The following ST6GALNAC5 variants were observed in gnomAD, a reference collection of about 807,000 sequenced individuals.
ST6GALNAC5 encodes alpha-N-acetylgalactosaminide alpha-2,6-sialyltransferase 5.
Under a neutral mutation model 33.6 loss-of-function variants are expected in ST6GALNAC5, and 27 were observed. That is an observed-to-expected ratio of 0.80 (90% CI 0.59 to 1.11). The LOEUF (loss-of-function observed/expected upper bound fraction) is 1.11. Among genes scored for constraint, ST6GALNAC5 ranks in the 50% least tolerant of loss-of-function variants. The probability of loss-of-function intolerance (pLI) is 0.00; values close to 1 mark genes in which losing one functional copy is unlikely to be tolerated. For missense variants in ST6GALNAC5, 428 were observed against 454.0 expected (o/e 0.94, Z 0.52); for synonymous variants, 194 against 171.2 (o/e 1.13, Z -1.04).
intron 2 of ST6GALNAC5, among the ~76,000 whole-genome samples, chr1:76,957,928 G>C (rs913038081): frequency 6.6e-6 from 1 of 151,884 alleles, no homozygotes; most frequent in African/African-American, 2.4e-5. Context: ...TAGCTAGAAG[G>C]ATACCTCGCT....
chr1:76,925,941 G>A (rs1393664002), intron 2 of ST6GALNAC5, among the ~76,000 whole-genome samples: 1 of 152,122 alleles, frequency 6.6e-6, no homozygotes, highest in Non-Finnish European at 1.5e-5. Context: ...CCCACATGCA[G>A]CTCTTTAGGT....
Position 77,066,289 on chromosome 1 carries a change from C to T in ST6GALNAC5, c.*3083C>T, listed in dbSNP as rs958595607. Among the ~76,000 whole-genome samples, 1 of 151,972 alleles carries T rather than the reference C, an allele frequency of 6.6e-6. No homozygotes were observed. The highest frequency in any genetic ancestry group is 1.5e-5 in the Non-Finnish European group (1 of 67,986). On this transcript the variant is annotated 3_prime_UTR_variant, in exon 5 of 5. Transcript: ENST00000477717. ...AAAAATAGATGAAAGCAAAACACAACGTATTGTACCTAAAAGAGAAATTTG... is the reference window on the plus strand; with the variant it reads ...AAAAATAGATGAAAGCAAAACACAATGTATTGTACCTAAAAGAGAAATTTG...
chr1:77,015,116 T>C (rs190911949), intron 2 of ST6GALNAC5, among the ~76,000 whole-genome samples: 182 of 151,658 alleles, frequency 1.2e-3, no homozygotes, highest in Non-Finnish European at 2.1e-3. Context: ...AGTTGGCTTA[T>C]GCAATTACGG....
chr1:76,873,049 C>A (rs944502510), intron 2 of ST6GALNAC5, among the ~76,000 whole-genome samples: 11 of 152,208 alleles, frequency 7.2e-5, no homozygotes, highest in African/African-American at 2.7e-4. Context: ...ATATCACTAT[C>A]CTCCTGTAAA....
At chr1:76,952,661 C>T (rs1438235212) in intron 2 of ST6GALNAC5, among the ~76,000 whole-genome samples, 1 of 151,954 alleles carries the variant, frequency 6.6e-6, no homozygotes, top group African/African-American at 2.4e-5. Flanking sequence ...ACCCCATAAA[C>T]ATGTACAATT....
intron 2 of ST6GALNAC5, among the ~76,000 whole-genome samples, chr1:76,960,534 C>A (rs947684266): frequency 6.6e-6 from 1 of 152,102 alleles, no homozygotes; most frequent in Non-Finnish European, 1.5e-5. Context: ...ACTGGTCTGA[C>A]CAAAATTTAT....
At chr1:76,999,459 G>C (rs143751940) in intron 2 of ST6GALNAC5, among the ~76,000 whole-genome samples, 1 of 150,956 alleles carries the variant, frequency 6.6e-6, no homozygotes, top group Non-Finnish European at 1.5e-5. Flanking sequence ...CTAGGTTCTG[G>C]TCCAGAAATG....
intron 2 of ST6GALNAC5, among the ~76,000 whole-genome samples, chr1:76,961,996 A>C (rs1166214242): frequency 1.3e-5 from 2 of 152,190 alleles, no homozygotes; most frequent in Non-Finnish European, 2.9e-5. Flanking sequence ...GGTATGCATG[A>C]ATGAAGTGAT....
chr1:76,963,395 C>G (rs1648327025), intron 2 of ST6GALNAC5, among the ~76,000 whole-genome samples: 2 of 152,172 alleles, frequency 1.3e-5, no homozygotes. Flanking sequence ...TGCAAAGGCA[C>G]CATGGAATTG....
At position 77,044,151 on chromosome 1, in the gene ST6GALNAC5, G is replaced by A. The variant is rs55780209; in HGVS notation, c.262-53G>A. 3.2e-3 allele frequency: 4,943 copies of A among 1,526,996 alleles called. 14 individuals carry two copies. The highest frequency in any genetic ancestry group is 3.8e-3 in the Non-Finnish European group (4,315 of 1,134,894). The allele number at this position is 1,526,996 out of a possible 1,614,324, so 94.6% of individuals were successfully genotyped here. A position where few individuals can be genotyped will look rare whatever the true frequency, so the allele number is the denominator to read the frequency against. Reference sequence around the variant, plus strand: ...CAGGGAAGTAGCCTGCTGGTGCTGAGTGAGGGTTAAGCCCTTTGCCCCTGA... The same window carrying A: ...CAGGGAAGTAGCCTGCTGGTGCTGAATGAGGGTTAAGCCCTTTGCCCCTGA... On this transcript the variant is annotated intron_variant, in intron 2 of 4. Transcript: ENST00000477717.
At chr1:76,910,596 A>G (rs971314097) in intron 2 of ST6GALNAC5, among the ~76,000 whole-genome samples, 1 of 152,084 alleles carries the variant, frequency 6.6e-6, no homozygotes, top group Non-Finnish European at 1.5e-5. Context: ...AAGTTTCAAT[A>G]TTAACTTTAA....
At chr1:77,021,608 C>T (rs1651056645) in intron 2 of ST6GALNAC5, among the ~76,000 whole-genome samples, 1 of 152,142 alleles carries the variant, frequency 6.6e-6, no homozygotes. Flanking sequence ...TCCTGGATAA[C>T]AGCTCCTGTT....
At chr1:76,908,247 G>C (rs768911818) in intron 2 of ST6GALNAC5, among the ~76,000 whole-genome samples, 2 of 152,094 alleles carry the variant, frequency 1.3e-5, no homozygotes, top group Non-Finnish European at 2.9e-5. Flanking sequence ...TGGAGGCTGG[G>C]AAGTCCAAGA....
At chr1:76,985,154 G>C (rs1428707643) in intron 2 of ST6GALNAC5, among the ~76,000 whole-genome samples, 1 of 152,182 alleles carries the variant, frequency 6.6e-6, no homozygotes, top group South Asian at 2.1e-4. Flanking sequence ...ATTGTTGGAA[G>C]TTATGGCCAA....
chr1:76,901,460 T>C (rs930089663), intron 2 of ST6GALNAC5, among the ~76,000 whole-genome samples: 1 of 152,232 alleles, frequency 6.6e-6, no homozygotes, highest in African/African-American at 2.4e-5. Flanking sequence ...GCTGTGGTGA[T>C]ATATGTTCTC....
intron 4 of ST6GALNAC5, among the ~76,000 whole-genome samples, chr1:77,059,092 A>T (rs1029181764): frequency 2.6e-5 from 4 of 152,216 alleles, no homozygotes; most frequent in African/African-American, 9.6e-5. Context: ...AAATAATTTT[A>T]GAGTTACAGA....
In ST6GALNAC5 at chr1:76,882,799, G is replaced by A. The variant is rs115569063; in HGVS notation, c.261+14057G>A. Among the ~76,000 whole-genome samples the A allele has an allele frequency of 6.5e-3, 994 of 152,128 alleles. 11 individuals are homozygous for A. Among genetic ancestry groups the A allele is most frequent in the African/African-American group, 0.023 (953 of 41,486 alleles). On this transcript the variant is annotated intron_variant, in intron 2 of 4. Transcript: ENST00000477717. ...TGCGTGTTTCCTATGGCTTCCCATT[G>A]CCTACAGGATCAAGTTCAGACCCTC...
At chr1:77,022,269 T>C (rs1651083902) in intron 2 of ST6GALNAC5, among the ~76,000 whole-genome samples, 1 of 152,198 alleles carries the variant, frequency 6.6e-6, no homozygotes, top group South Asian at 2.1e-4. Flanking sequence ...CCCAAGAAAT[T>C]TATAGACACA....
chr1:77,003,592 G>T (rs1415735087), intron 2 of ST6GALNAC5, among the ~76,000 whole-genome samples: 4 of 151,928 alleles, frequency 2.6e-5, no homozygotes, highest in African/African-American at 7.2e-5. Context: ...AGTCTCGATG[G>T]TCTTTACATT....
Sources: gnomAD v4.1 joint callset for allele counts (sites outside exome capture counted in the v4.1 genomes callset) on GRCh38, gnomAD v4.1.1 for gene constraint, MANE v1.5 for transcripts, NCBI Gene and HGNC (gene_info 2026-07-23, HGNC 2026-07-21) for gene names.